The following SIPA1 variants were observed in gnomAD, a reference collection of about 807,000 sequenced individuals.
SIPA1 encodes signal-induced proliferation-associated 1.
In SIPA1, 51 loss-of-function variants were observed where a neutral mutation model predicts 88.1. The ratio of observed to expected loss-of-function variants is 0.58; its 90% CI spans 0.46 to 0.73. SIPA1 has a LOEUF of 0.73. Ranked by LOEUF, SIPA1 falls within the 30% of genes least tolerant of loss-of-function variation. SIPA1 has a pLI of 0.00. For missense variants in SIPA1, 1,348 were observed against 1,467.6 expected (o/e 0.92, Z 1.33); for synonymous variants, 681 against 664.8 (o/e 1.02, Z -0.37).
rs201118568 is a variant in SIPA1, at chr11:65,645,007, C to G, written c.1037C>G (p.Ser346Trp). Residue 346 changes from serine to tryptophan, a missense_variant, in exon 5 of 16, where the codon TCG (serine) becomes TGG (tryptophan). Coordinates refer to ENST00000534313, the MANE Select transcript of SIPA1 (RefSeq NM_006747.4). ...CTGTACTGCCGGGCGGGCCAGGGCT[C>G]GGAGGAGGAGATGTACAACAACCAG... ...GILYCRAGQG[S>W]EEEMYNNQEA... 2.5e-6 allele frequency: 4 copies of G among 1,613,906 alleles called. No homozygotes were observed. Among genetic ancestry groups the G allele is most frequent in the Non-Finnish European group, 3.4e-6 (4 of 1,179,876 alleles).
At position 65,643,044 on chromosome 11, in the gene SIPA1, T is replaced by G. The variant is rs188324069; in HGVS notation, c.984+405T>G. Among the ~76,000 whole-genome samples the G allele has an allele frequency of 9.2e-5, 14 of 152,176 alleles. No homozygotes were observed. The East Asian group carries it at 2.7e-3, about 29-fold the overall frequency. ...GATTCTCCTGCCTCAGCCTCCTGAG[T>G]AGCTGGGATTACAGGTGCATGCCAC... On this transcript the variant is annotated intron_variant, in intron 4 of 15. Transcript: ENST00000534313.
intron 5 of SIPA1, among the ~76,000 whole-genome samples, chr11:65,645,415 G>A (rs1162636175): frequency 1.3e-5 from 2 of 152,112 alleles, no homozygotes; most frequent in Non-Finnish European, 2.9e-5. Flanking sequence ...CCTCGTGGAA[G>A]AGAGGTGCCC....
chr11:65,648,162 C>T (rs370236158), intron 9 of SIPA1, among the ~76,000 whole-genome samples: 3 of 152,090 alleles, frequency 2.0e-5, no homozygotes, highest in Non-Finnish European at 4.4e-5. Flanking sequence ...CGTGAGTCAC[C>T]GCGCCCTGAA....
intron 1 of SIPA1, among the ~76,000 whole-genome samples, chr11:65,639,416 C>T (rs1412205997): frequency 1.3e-5 from 2 of 152,164 alleles, no homozygotes; most frequent in African/African-American, 4.8e-5. Flanking sequence ...GCCAGTTAAC[C>T]CCATTTTAGA....
chr11:65,648,574 T>C (rs1423420358), intron 9 of SIPA1, among the ~76,000 whole-genome samples: 1 of 152,056 alleles, frequency 6.6e-6, no homozygotes, highest in East Asian at 1.9e-4. Context: ...TGGCTCATGC[T>C]TGTAATCCCA....
Position 65,649,451 on chromosome 11 carries a change from G to A in SIPA1, c.2496G>A (p.Leu832=), listed in dbSNP as rs1377978461. 1 of 1,610,056 alleles carries A rather than the reference G, an allele frequency of 6.2e-7. No homozygotes were observed. Among genetic ancestry groups the A allele is most frequent in the Non-Finnish European group, 8.5e-7 (1 of 1,178,094 alleles). Residue 832 remains leucine, a synonymous_variant, in exon 10 of 16, where the codon CTG becomes CTA. Coordinates refer to ENST00000534313, the MANE Select transcript of SIPA1 (RefSeq NM_006747.4). ...TGGCCGAGGAGAGGACTGAGTTCCT[G>A]CACAGCCAGAACTCGCTGTCACCAC... ...GDLAEERTEF[L]HSQNSLSPRS... is the part of the protein sequence containing the mutation.
chr11:65,644,810 CTG>C (rs1196536298), intron 4 of SIPA1, 143 bp from the exon 5 acceptor site: 1 of 749,866 alleles, frequency 1.3e-6, no homozygotes, highest in Non-Finnish European at 2.2e-6. Flanking sequence ...GCACAACAGA[CTG>C]TACTCACCTG....
intron 8 of SIPA1, 136 bp from the exon 9 acceptor site, chr11:65,647,248 T>C (rs1442343151): frequency 7.3e-7 from 1 of 1,373,482 alleles, no homozygotes; most frequent in African/African-American, 1.5e-5. Flanking sequence ...CTGGTCTTCA[T>C]CCCTCGGGCG....
chr11:65,642,521 G>A lies in SIPA1; in HGVS notation c.866G>A (p.Gly289Asp). ...GCGCTGCCGCCGGGGCCCCCACGGG[G>A]TCTGTCCCCAAGGAAACTTCTGGAG... is the stretch of plus-strand genomic sequence containing the variant. ...EDALPPGPPRGLSPRKLLEHV... is the reference protein window; with the variant it reads ...EDALPPGPPRDLSPRKLLEHV... Residue 289 changes from glycine (G) to aspartate (D), a missense_variant, in exon 4 of 16, where the codon GGT becomes GAT. By Grantham distance (94) the Gly-to-Asp change is moderately conservative. Transcript: ENST00000534313. This position sits in a 1 kb window ranked among gnomAD's most constrained non-coding sequence, Gnocchi z 6.5. 6.2e-7 allele frequency: 1 copy of A among 1,609,276 alleles called. No homozygotes were observed. Among genetic ancestry groups the A allele is most frequent in the Non-Finnish European group, 8.5e-7 (1 of 1,179,388 alleles).
chr11:65,647,613 T>C lies in SIPA1; in HGVS notation c.2261T>C (p.Val754Ala), dbSNP rs1032180213. The change falls in exon 9 of 16, where the codon GTC becomes GCC. Residue 754 changes from valine to alanine, a missense_variant. Physicochemically the swap from Val to Ala is moderately conservative, Grantham distance 64. Around this residue, in one of 4 missense-constraint regions of SIPA1, gnomAD observed 615 missense variants for 559.8 expected, o/e 1.10. Transcript: ENST00000534313. ...CAGCTCCTGCGCTCGGCGCCCAAGG[T>C]CTGCGTCACCGTCCTGCCCCCCGAC... ...AAQLLRSAPK[V>A]CVTVLPPDES... 1 of 1,408,598 alleles carries C rather than the reference T, an allele frequency of 7.1e-7. No individual in the cohort carries two copies. The highest frequency in any genetic ancestry group is 3.1e-5 in the Admixed American group (1 of 32,194). 87.3% of individuals were successfully genotyped at this position (1,408,598 alleles called of 1,614,324 possible).
rs149267827 is a variant in SIPA1, at chr11:65,640,916, C to T, written c.-6C>T. Reference sequence around the variant, plus strand: ...CCCAGCCCCCGGAGAGTCAGGCCCACAGAGCATGCCCATGTGGGCCGGCGG... The same window carrying T: ...CCCAGCCCCCGGAGAGTCAGGCCCATAGAGCATGCCCATGTGGGCCGGCGG... On this transcript the variant is annotated 5_prime_UTR_variant, in exon 2 of 16. Coordinates refer to ENST00000534313, the MANE Select transcript of SIPA1 (RefSeq NM_006747.4). 7.4e-3 allele frequency: 11,015 copies of T among 1,491,472 alleles called. 62 individuals carry two copies. Among genetic ancestry groups the T allele is most frequent in the Non-Finnish European group, 8.5e-3 (9,616 of 1,129,802 alleles). The allele number at this position is 1,491,472 out of a possible 1,614,324, so 92.4% of individuals were successfully genotyped here.
rs981139432 is a variant in SIPA1, at chr11:65,646,439, C to T, written c.1422-17C>T. 2.5e-6 allele frequency: 4 copies of T among 1,591,604 alleles called. No individual in the cohort carries two copies. In the African/African-American group the frequency reaches 4.0e-5, roughly 16 times the overall value. ...ATGGAGTCCTGCCGCCCCTCACTAA[C>T]GCCTCCCTCCCCGCAGGGTGGCCGT... On this transcript the variant is annotated splice_polypyrimidine_tract_variant and intron_variant, in intron 7 of 15. Coordinates refer to ENST00000534313, the MANE Select transcript of SIPA1 (RefSeq NM_006747.4). The surrounding 1 kb of genome is among the most constrained non-coding windows in gnomAD (Gnocchi z 7.5).
Position 65,646,609 on chromosome 11 carries a change from C to A in SIPA1, c.1575C>A (p.His525Gln), listed in dbSNP as rs369829882. ...CGGCCGGCCACGCGCGCCAGTTCCA[C>A]GCCATGGCCACGCGCACCCGCCAGC... is the stretch of plus-strand genomic sequence containing the variant. ...EQAAGHARQF[H>Q]AMATRTRQQY... is the part of the protein sequence containing the mutation. The change falls in exon 8 of 16, where the codon CAC becomes CAA. Residue 525 changes from histidine to glutamine, a missense_variant. By Grantham distance (24) the His-to-Gln change is conservative. Around this residue, in one of 4 missense-constraint regions of SIPA1, gnomAD observed 641 missense variants for 797.7 expected, o/e 0.80. Transcript: ENST00000534313. This position sits in a 1 kb window ranked among gnomAD's most constrained non-coding sequence, Gnocchi z 7.5. The A allele has an allele frequency of 3.9e-6, 6 of 1,544,724 alleles. No homozygotes were observed. Among genetic ancestry groups the A allele is most frequent in the East Asian group, 2.4e-5 (1 of 41,298 alleles).
chr11:65,644,341 A>C (rs1274031827), intron 4 of SIPA1, among the ~76,000 whole-genome samples: 1 of 150,264 alleles, frequency 6.7e-6, no homozygotes, highest in African/African-American at 2.5e-5. Flanking sequence ...AGTGCCACCT[A>C]TGGCTGAGAG....
chr11:65,647,503 C>T lies in SIPA1; in HGVS notation c.2151C>T (p.Ala717=), dbSNP rs780204532. The T allele has an allele frequency of 1.4e-6, 2 of 1,414,764 alleles. No individual in the cohort carries two copies. Among genetic ancestry groups the T allele is most frequent in the Admixed American group, 3.0e-5 (1 of 33,416 alleles). The allele number at this position is 1,414,764 out of a possible 1,614,324, so 87.6% of individuals were successfully genotyped here. A position where few individuals can be genotyped will look rare whatever the true frequency, so the allele number is the denominator to read the frequency against. The change falls in exon 9 of 16, where the codon GCC becomes GCT. Residue 717 remains alanine (A), a synonymous_variant. Transcript: ENST00000534313. The stretch of plus-strand genomic sequence containing the variant: ...CGCACGTGGAGCGCTTCACATTCGC[C>T]GAGACGGCGGGGCTGCGGCCCGGGG... ...FVTHVERFTF[A]ETAGLRPGAR... is the part of the protein sequence containing the mutation.
At chr11:65,650,298 C>T in intron 14 of SIPA1, 103 bp from the exon 15 acceptor site, 1 of 1,531,370 alleles carries the variant, frequency 6.5e-7, no homozygotes, top group Middle Eastern at 1.7e-4. Context: ...GCCACATATG[C>T]CTAGAAGACC....
intron 9 of SIPA1, among the ~76,000 whole-genome samples, chr11:65,648,417 C>A (rs557653582): frequency 1.3e-5 from 2 of 152,220 alleles, no homozygotes; most frequent in African/African-American, 4.8e-5. Context: ...GCTACTCTGT[C>A]GTAGGTAAAT....
intron 10 of SIPA1, 37 bp from the exon 11 acceptor site, chr11:65,649,524 G>A (rs1370311429): frequency 1.9e-6 from 3 of 1,613,930 alleles, no homozygotes. Context: ...CTCTGGGAAA[G>A]CGGCTTCCCT....
Position 65,646,492 on chromosome 11 carries a change from C to G in SIPA1, c.1458C>G (p.Phe486Leu). ...AVSRTQDTPA[F>L]GPALPAGGGP... ...GCCGCACCCAGGACACCCCTGCCTTCGGGCCAGCTCTGCCTGCTGGCGGAG... is the reference window on the plus strand; with the variant it reads ...GCCGCACCCAGGACACCCCTGCCTTGGGGCCAGCTCTGCCTGCTGGCGGAG... The change falls in exon 8 of 16, where the codon TTC becomes TTG. Residue 486 changes from phenylalanine (F) to leucine (L), a missense_variant. Around this residue, in one of 4 missense-constraint regions of SIPA1, gnomAD observed 641 missense variants for 797.7 expected, o/e 0.80. Transcript: ENST00000534313. This position sits in a 1 kb window ranked among gnomAD's most constrained non-coding sequence, Gnocchi z 7.5. 6.3e-7 allele frequency: 1 copy of G among 1,580,094 alleles called. No homozygotes were observed. The highest frequency in any genetic ancestry group is 8.6e-7 in the Non-Finnish European group (1 of 1,169,442).
Sources: allele counts gnomAD v4.1 joint callset (sites outside exome capture counted in the v4.1 genomes callset), GRCh38; gene constraint gnomAD v4.1.1; regional missense constraint gnomAD v4.1.1; non-coding constraint Gnocchi (gnomAD v3.1); transcripts MANE v1.5; gene names NCBI Gene and HGNC (gene_info 2026-07-23, HGNC 2026-07-21).